YLPM1: variants seen among roughly 807,000 people sequenced by gnomAD.
YLPM1 encodes YLP motif containing 1.
YLPM1 carries 99 observed loss-of-function variants against 230.0 expected under a neutral mutation model. That is an observed-to-expected ratio of 0.43 (90% confidence interval 0.37 to 0.51). The LOEUF (loss-of-function observed/expected upper bound fraction) is 0.51, where lower values mean the gene tolerates loss of function less well. YLPM1 is among the 20% of genes least tolerant of loss of function. The pLI is 0.00. For synonymous variants in YLPM1, 984 were observed against 942.5 expected, an observed-to-expected ratio of 1.04 and a Z score of -0.81; for missense variants, 2,592 against 2,707.7, an observed-to-expected ratio of 0.96 and a Z score of 0.95.
At chr14:74,784,208 T>A (rs1052419622) in intron 4 of YLPM1, among the ~76,000 whole-genome samples, 4 of 152,360 alleles carry the variant, frequency 2.6e-5, no homozygotes, top group Non-Finnish European at 5.9e-5. Context: ...ATGTTAATAT[T>A]TTCTCTCTTT....
At chr14:74,816,540 G>A (rs370997089) in intron 12 of YLPM1, 31 bp from the exon 13 acceptor site, 14 of 1,585,782 alleles carry the variant, frequency 8.8e-6, no homozygotes, top group African/African-American at 5.5e-5. Flanking sequence ...CCATAAATTC[G>A]TTTTAACCTT....
In YLPM1 at chr14:74,813,614, T is replaced by A. The variant is rs181307480; in HGVS notation, c.5502+832T>A. ...GTTTAATACATTCACATTTTTTTTTTAAATTATGGATTCAGGATACATGTG... is the reference window on the plus strand; with the variant it reads ...GTTTAATACATTCACATTTTTTTTTAAAATTATGGATTCAGGATACATGTG... On this transcript the variant is annotated intron_variant, in intron 11 of 20. Transcript: ENST00000325680. Among the ~76,000 whole-genome samples, 1,288 of 152,212 alleles carry A rather than the reference T, an allele frequency of 8.5e-3. 16 individuals are homozygous for A. The highest frequency in any genetic ancestry group is 0.03 in the African/African-American group (1,229 of 41,518).
chr14:74,800,490 G>A (rs2140113119), intron 5 of YLPM1, among the ~76,000 whole-genome samples: 1 of 152,316 alleles, frequency 6.6e-6, no homozygotes, highest in South Asian at 2.1e-4. Flanking sequence ...GAATTTAGAA[G>A]TCAGTGACAG....
intron 4 of YLPM1, among the ~76,000 whole-genome samples, chr14:74,789,161 A>C (rs528542856): frequency 6.6e-6 from 1 of 152,272 alleles, no homozygotes; most frequent in South Asian, 2.1e-4. Context: ...GTAGCTTTAC[A>C]ATAAATTTAT....
In YLPM1 at chr14:74,798,111, C is replaced by G. The variant is rs755831350; in HGVS notation, c.2814C>G (p.Ala938=). ...GTATGGAGACTCAAATCGACAAAGC[C>G]CAAGCTGTTACTCAGCCTGTACCCC... ...VQSMETQIDK[A]QAVTQPVPLA... Residue 938 remains alanine (A), a synonymous_variant, in exon 5 of 21, where the codon GCC becomes GCG. Transcript: ENST00000325680. 18 of 1,613,770 alleles carry G rather than the reference C, an allele frequency of 1.1e-5. 1 individual carries two copies. The South Asian group carries it at 2.0e-4, about 18-fold the overall frequency.
At chr14:74,766,336 G>A (rs2090910722) in intron 1 of YLPM1, among the ~76,000 whole-genome samples, 1 of 152,142 alleles carries the variant, frequency 6.6e-6, no homozygotes, top group Admixed American at 6.5e-5. Context: ...TTTTTGGAAT[G>A]TGTCATTCAA....
chr14:74,769,745 C>T (rs1184598562), intron 1 of YLPM1, among the ~76,000 whole-genome samples: 1 of 150,888 alleles, frequency 6.6e-6, no homozygotes, highest in East Asian at 2.0e-4. Context: ...TTTAAATGAA[C>T]TCTAAAGAAT....
chr14:74,831,848 C>G (rs961655991), intron 19 of YLPM1, among the ~76,000 whole-genome samples: 8 of 152,162 alleles, frequency 5.3e-5, no homozygotes, highest in African/African-American at 1.9e-4. Flanking sequence ...TTAACTTCCT[C>G]TATAACAAAA....
Position 74,781,647 on chromosome 14 carries a change from C to T in YLPM1, c.1604C>T (p.Pro535Leu). The T allele has an allele frequency of 1.2e-6, 2 of 1,613,618 alleles. No homozygotes were observed. The highest frequency in any genetic ancestry group is 1.7e-6 in the Non-Finnish European group (2 of 1,179,806). The change falls in exon 4 of 21, where the codon CCT becomes CTT. Residue 535 changes from proline (P) to leucine (L), a missense_variant. Pro to Leu is a moderately conservative substitution (Grantham distance 98). Around this residue, in one of 4 missense-constraint regions of YLPM1, gnomAD observed 1,862 missense variants for 1,819.8 expected, o/e 1.02. Transcript: ENST00000325680. ...CCTCCACCTCTACCTACAATGCCCC[C>T]TCCAGTGTTGCCTCCTTCATTGCCA... ...QMPPPLPTMP[P>L]PVLPPSLPPP...
At chr14:74,795,691 T>C (rs1326883895) in intron 4 of YLPM1, among the ~76,000 whole-genome samples, 1 of 152,258 alleles carries the variant, frequency 6.6e-6, no homozygotes, top group African/African-American at 2.4e-5. Flanking sequence ...AAACTTTTTG[T>C]CTCTGTCCAC....
intron 4 of YLPM1, 59 bp from the exon 5 acceptor site, chr14:74,797,521 T>C: frequency 7.4e-7 from 1 of 1,354,760 alleles, no homozygotes; most frequent in Non-Finnish European, 9.7e-7. Context: ...TATTCTTACA[T>C]GGAGAATTTT....
At chr14:74,808,107 T>C (rs945764361) in intron 6 of YLPM1, among the ~76,000 whole-genome samples, 1 of 152,206 alleles carries the variant, frequency 6.6e-6, no homozygotes, top group Non-Finnish European at 1.5e-5. Flanking sequence ...TTTTAAAACG[T>C]TTTCATTACC....
At position 74,799,041 on chromosome 14, in the gene YLPM1, C is replaced by G. The variant is rs372663114; in HGVS notation, c.3744C>G (p.Phe1248Leu). ...TLELYNREDR[F>L]SAPPSRSHDG... ...AGCTCTATAACAGAGAGGACAGGTTCTCAGCACCACCATCTCGGTCTCATG... is the reference window on the plus strand; with the variant it reads ...AGCTCTATAACAGAGAGGACAGGTTGTCAGCACCACCATCTCGGTCTCATG... The change falls in exon 5 of 21, where the codon TTC becomes TTG. Residue 1248 changes from phenylalanine to leucine, a missense_variant. Transcript: ENST00000325680. 9.6e-5 allele frequency: 155 copies of G among 1,613,960 alleles called. No homozygotes were observed. The East Asian group carries it at 1.8e-3, about 19-fold the overall frequency.
In YLPM1 at chr14:74,829,137, T is replaced by C; in HGVS notation, c.6164-76T>C. The C allele has an allele frequency of 1.1e-5, 18 of 1,572,220 alleles. No individual in the cohort carries two copies. In the South Asian group the frequency reaches 2.1e-4, roughly 18 times the overall value. ...TATGCCCTCTGAAAGCGTTCCAGCC[T>C]TCTTTTCCCCTGTGTGTGTGTCGTG... On this transcript the variant is annotated intron_variant, in intron 18 of 20. Coordinates refer to ENST00000325680, the MANE Select transcript of YLPM1 (RefSeq NM_019589.3).
At chr14:74,814,918 ATTGT>A (rs1174520116) in intron 11 of YLPM1, among the ~76,000 whole-genome samples, 1 of 152,100 alleles carries the variant, frequency 6.6e-6, no homozygotes, top group Non-Finnish European at 1.5e-5. Context: ...GTCTATTCAG[ATTGT>A]TTATTTGTTC....
At chr14:74,816,316 A>G (rs370590788) in intron 12 of YLPM1, 51 bp downstream of exon 12, 2 of 1,559,080 alleles carry the variant, frequency 1.3e-6, no homozygotes, top group East Asian at 4.5e-5. Flanking sequence ...TTGTGTTAGT[A>G]GTCACTTGCC....
chr14:74,834,046 A>G (rs1397436239), intron 19 of YLPM1, among the ~76,000 whole-genome samples: 1 of 152,138 alleles, frequency 6.6e-6, no homozygotes, highest in Non-Finnish European at 1.5e-5. Context: ...ATACTTTTAA[A>G]AACATATTAA....
intron 5 of YLPM1, among the ~76,000 whole-genome samples, chr14:74,801,950 C>CT (rs2091330050): frequency 6.6e-6 from 1 of 151,958 alleles, no homozygotes; most frequent in Non-Finnish European, 1.5e-5. Flanking sequence ...GGCGTGGTGG[C>CT]TTACGCCTGT....
intron 16 of YLPM1, among the ~76,000 whole-genome samples, chr14:74,819,007 A>G (rs1195239629): frequency 1.3e-5 from 2 of 152,184 alleles, no homozygotes; most frequent in Non-Finnish European, 2.9e-5. Flanking sequence ...CAGGAGCCAT[A>G]TGGTGTTAAT....
Sources: gnomAD v4.1 joint callset for allele counts (sites outside exome capture counted in the v4.1 genomes callset) on GRCh38, gnomAD v4.1.1 for gene constraint, gnomAD v4.1.1 regional missense constraint, MANE v1.5 for transcripts, NCBI Gene and HGNC (gene_info 2026-07-23, HGNC 2026-07-21) for gene names.